Variants in GALNT7 observed in about 807,000 individuals in gnomAD.
GALNT7 encodes the protein polypeptide N-acetylgalactosaminyltransferase 7, also known as N-acetylgalactosaminyltransferase 7.
GALNT7 carries 60 observed loss-of-function variants against 82.1 expected under a neutral mutation model. The observed-to-expected ratio is 0.73, with a 90% CI of 0.59 to 0.91. The LOEUF is 0.91. GALNT7 is among the 40% of genes least tolerant of loss of function. The pLI, the probability that GALNT7 is intolerant of heterozygous loss-of-function variation, is 0.00. For missense variants in GALNT7, 660 were observed against 804.2 expected (o/e 0.82, Z 2.17); for synonymous variants, 243 against 275.1 (o/e 0.88, Z 1.15).
intron 1 of GALNT7, among the ~76,000 whole-genome samples, chr4:173,191,243 C>T (rs1732620119): frequency 6.6e-6 from 1 of 152,060 alleles, no homozygotes; most frequent in South Asian, 2.1e-4. Flanking sequence ...GGGTACTTGG[C>T]TGGCTGGCTG....
In GALNT7 at chr4:173,178,060, C is replaced by T. The variant is rs1215520778; in HGVS notation, c.126+9099C>T. On this transcript the variant is annotated intron_variant, in intron 1 of 11. Coordinates refer to ENST00000265000, the MANE Select transcript of GALNT7 (RefSeq NM_017423.3). ...GTGTGTGTGTGTGTGTGTGCGCGCA[C>T]GCGCGTGCGCACAGACACCTATGTA... Among the ~76,000 whole-genome samples, 1,111 of 123,534 alleles carry T rather than the reference C, an allele frequency of 9.0e-3. 18 individuals are homozygous for T. Among genetic ancestry groups the T allele is most frequent in the African/African-American group, 0.047 (1,040 of 22,098 alleles). 81.0% of individuals were successfully genotyped at this position (123,534 alleles called of 152,430 possible).
chr4:173,209,057 CAA>C (rs964909666), intron 1 of GALNT7, among the ~76,000 whole-genome samples: 1 of 152,136 alleles, frequency 6.6e-6, no homozygotes, highest in Non-Finnish European at 1.5e-5. Context: ...TTAAATAATA[CAA>C]AGTTTTGAAG....
intron 2 of GALNT7, among the ~76,000 whole-genome samples, chr4:173,260,609 A>G (rs1440615642): frequency 6.6e-6 from 1 of 152,054 alleles, no homozygotes; most frequent in Non-Finnish European, 1.5e-5. Context: ...TCTTTAAAGT[A>G]TTTTTTACAG....
chr4:173,298,450 C>A, intron 6 of GALNT7, 153 bp downstream of exon 6: 2 of 578,470 alleles, frequency 3.5e-6, no homozygotes, highest in Admixed American at 3.6e-5. Flanking sequence ...AGCTTTCAAT[C>A]TGCTCCATTT....
chr4:173,293,716 C>A (rs1736619678), intron 3 of GALNT7, among the ~76,000 whole-genome samples: 1 of 152,170 alleles, frequency 6.6e-6, no homozygotes, highest in Non-Finnish European at 1.5e-5. Flanking sequence ...CAAACCCACA[C>A]TCTCAGTGGC....
At chr4:173,304,580 C>T (rs1357039774) in intron 8 of GALNT7, among the ~76,000 whole-genome samples, 1 of 151,964 alleles carries the variant, frequency 6.6e-6, no homozygotes, top group Non-Finnish European at 1.5e-5. Context: ...TTGTTCTCAG[C>T]AATTTTCATA....
Position 173,292,389 on chromosome 4 carries a change from T to G in GALNT7, c.754+115T>G. The G allele has an allele frequency of 1.6e-6, 1 of 633,390 alleles. No individual in the cohort carries two copies. The highest frequency in any genetic ancestry group is 2.7e-6 in the Non-Finnish European group (1 of 367,894). The allele number at this position is 633,390 out of a possible 1,614,324, so 39.2% of individuals were successfully genotyped here. ...AAATTAATAGCATCTATTGATAGCA[T>G]CTGTTATCAACAAGTTGACACTGTG... On this transcript the variant is annotated intron_variant, in intron 3 of 11. Transcript: ENST00000265000. This position sits in a 1 kb window ranked among gnomAD's most constrained non-coding sequence, Gnocchi z 4.8.
intron 3 of GALNT7, among the ~76,000 whole-genome samples, chr4:173,293,538 A>T (rs939002914): frequency 5.3e-5 from 8 of 152,284 alleles, no homozygotes; most frequent in South Asian, 2.1e-4. Flanking sequence ...AACTTTAAAG[A>T]TTTTTCTTTT....
At chr4:173,203,709 AC>A (rs1289485469) in intron 1 of GALNT7, among the ~76,000 whole-genome samples, 1 of 152,134 alleles carries the variant, frequency 6.6e-6, no homozygotes, top group African/African-American at 2.4e-5. Flanking sequence ...GTTGATAACA[AC>A]TCAGATTGCA....
intron 2 of GALNT7, among the ~76,000 whole-genome samples, chr4:173,288,006 G>A (rs1579992291): frequency 6.6e-6 from 1 of 152,234 alleles, no homozygotes; most frequent in African/African-American, 2.4e-5. Flanking sequence ...ATATGAGGCC[G>A]GGCGCGGTGG....
At chr4:173,178,057 GCA>G (rs1491342359) in intron 1 of GALNT7, among the ~76,000 whole-genome samples, 7,138 of 139,756 alleles carry the variant, frequency 0.051, 357 homozygotes, top group African/African-American at 0.15. Flanking sequence ...GTGTGTGCGC[GCA>G]CGCGCGTGCG....
intron 2 of GALNT7, among the ~76,000 whole-genome samples, chr4:173,266,451 T>C (rs955182928): frequency 6.6e-6 from 1 of 152,208 alleles, no homozygotes; most frequent in Non-Finnish European, 1.5e-5. Context: ...CCTTTCACTA[T>C]ACCAGACAAA....
chr4:173,271,096 T>G (rs528303111), intron 2 of GALNT7, among the ~76,000 whole-genome samples: 132 of 152,336 alleles, frequency 8.7e-4, no homozygotes, highest in African/African-American at 3.0e-3. Flanking sequence ...TGCCCTTGCT[T>G]TTTAGAATAG....
At chr4:173,269,754 T>G (rs1032827069) in intron 2 of GALNT7, among the ~76,000 whole-genome samples, 3 of 152,198 alleles carry the variant, frequency 2.0e-5, no homozygotes, top group African/African-American at 7.2e-5. Context: ...CAGAAGTAAT[T>G]TAAATTCTTT....
At chr4:173,187,427 T>C (rs1732495367) in intron 1 of GALNT7, among the ~76,000 whole-genome samples, 1 of 150,498 alleles carries the variant, frequency 6.6e-6, no homozygotes, top group Non-Finnish European at 1.5e-5. Flanking sequence ...AGATCTGAAA[T>C]TGTCATATAC....
rs79881453 is a variant in GALNT7, at chr4:173,269,097, G to A, written c.587+20657G>A. On this transcript the variant is annotated intron_variant, in intron 2 of 11. Transcript: ENST00000265000. ...TGAAGATGTTTCTCAGAGGGGCATG[G>A]CTCCTCTGATGTTTGTCAGATAAGC... is the stretch of plus-strand genomic sequence containing the variant. Among the ~76,000 whole-genome samples the A allele has an allele frequency of 3.7e-3, 559 of 152,200 alleles. 4 individuals carry two copies. Among genetic ancestry groups the A allele is most frequent in the African/African-American group, 0.013 (537 of 41,522 alleles).
At chr4:173,224,809 C>T (rs191593703) in intron 1 of GALNT7, among the ~76,000 whole-genome samples, 23 of 151,586 alleles carry the variant, frequency 1.5e-4, no homozygotes, top group African/African-American at 5.3e-4. Flanking sequence ...TCAGGAGATC[C>T]AGACCATCCT....
intron 2 of GALNT7, among the ~76,000 whole-genome samples, chr4:173,260,475 C>T (rs1735219953): frequency 6.6e-6 from 1 of 152,156 alleles, no homozygotes; most frequent in African/African-American, 2.4e-5. Flanking sequence ...GAAGTATAAT[C>T]ATTAATTTTG....
At chr4:173,295,729 G>A (rs1480281140) in intron 4 of GALNT7, 35 bp from the exon 5 acceptor site, 2 of 1,311,170 alleles carry the variant, frequency 1.5e-6, no homozygotes, top group Non-Finnish European at 2.2e-6. Flanking sequence ...TAACGTATAT[G>A]AGGAGTATTC....
Sources: gnomAD v4.1 joint callset for allele counts (sites outside exome capture counted in the v4.1 genomes callset) on GRCh38, gnomAD v4.1.1 for gene constraint, Gnocchi (gnomAD v3.1) non-coding constraint, MANE v1.5 for transcripts, NCBI Gene and HGNC (gene_info 2026-07-23, HGNC 2026-07-21) for gene names.